DYNC1I1: variants seen among roughly 807,000 people sequenced by gnomAD.
DYNC1I1 encodes cytoplasmic dynein 1 intermediate chain 1.
A neutral mutation model predicts 86.6 loss-of-function variants in DYNC1I1; 43 were observed. That is an observed-to-expected ratio of 0.50 (90% CI 0.39 to 0.64). DYNC1I1 has a LOEUF of 0.64. Ranked by LOEUF, DYNC1I1 falls within the 30% of genes least tolerant of loss-of-function variation. The probability of loss-of-function intolerance (pLI) is 0.00; values close to 1 mark genes in which losing one functional copy is unlikely to be tolerated. For missense variants in DYNC1I1, 604 were observed against 788.8 expected, an observed-to-expected ratio of 0.77 and a Z score of 2.81; for synonymous variants, 262 against 283.7, an observed-to-expected ratio of 0.92 and a Z score of 0.77.
At chr7:95,953,565 G>T (rs1324643461) in intron 6 of DYNC1I1, among the ~76,000 whole-genome samples, 1 of 152,138 alleles carries the variant, frequency 6.6e-6, no homozygotes. Flanking sequence ...ATCATACTGC[G>T]CTTGTAGTAA....
At chr7:95,895,257 T>A (rs181401265) in intron 6 of DYNC1I1, among the ~76,000 whole-genome samples, 20 of 152,332 alleles carry the variant, frequency 1.3e-4, no homozygotes, top group African/African-American at 4.8e-4. Context: ...TCATTGTTGT[T>A]GAGTACAATA....
intron 10 of DYNC1I1, among the ~76,000 whole-genome samples, chr7:96,021,317 G>T (rs2115913752): frequency 6.6e-6 from 1 of 152,204 alleles, no homozygotes; most frequent in Non-Finnish European, 1.5e-5. Context: ...CTCTGGGTCT[G>T]CCAATCCTCC....
chr7:96,041,904 A>G (rs1789063365), intron 14 of DYNC1I1, among the ~76,000 whole-genome samples: 2 of 152,154 alleles, frequency 1.3e-5, no homozygotes, highest in African/African-American at 2.4e-5. Context: ...TTACATAGTT[A>G]TAAAAGAAAA....
At chr7:95,973,145 C>T (rs1415980201) in intron 6 of DYNC1I1, among the ~76,000 whole-genome samples, 1 of 152,190 alleles carries the variant, frequency 6.6e-6, no homozygotes, top group Non-Finnish European at 1.5e-5. Flanking sequence ...TAGTCTGTAG[C>T]AGGTCTACAT....
chr7:96,107,906 T>G lies in DYNC1I1; in HGVS notation c.1543-2073T>G, dbSNP rs554678830. Among the ~76,000 whole-genome samples, 165 of 147,766 alleles carry G rather than the reference T, an allele frequency of 1.1e-3. 2 individuals are homozygous for G. The highest frequency in any genetic ancestry group is 3.9e-3 in the African/African-American group (155 of 40,124). Reference sequence around the variant, plus strand: ...TTTTTTTTTTGGAGTACTTTGAATATCTCATCCCATTGCCTTCCGGCCTCA... The same window carrying G: ...TTTTTTTTTTGGAGTACTTTGAATAGCTCATCCCATTGCCTTCCGGCCTCA... On this transcript the variant is annotated intron_variant, in intron 16 of 16. Coordinates refer to the DYNC1I1 transcript ENST00000537881.
At chr7:95,833,486 G>GT (rs1416012256) in intron 5 of DYNC1I1, among the ~76,000 whole-genome samples, 1 of 141,084 alleles carries the variant, frequency 7.1e-6, no homozygotes, top group Non-Finnish European at 1.5e-5. Context: ...CTTTAAAGTA[G>GT]TTTTTTCCAA....
intron 14 of DYNC1I1, among the ~76,000 whole-genome samples, chr7:96,045,544 A>T (rs994573383): frequency 6.6e-6 from 1 of 152,218 alleles, no homozygotes; most frequent in Non-Finnish European, 1.5e-5. Context: ...AGGACTTTTT[A>T]CTGGAGGCCT....
chr7:96,057,922 C>T (rs988581929), intron 14 of DYNC1I1, among the ~76,000 whole-genome samples: 1 of 152,072 alleles, frequency 6.6e-6, no homozygotes, highest in African/African-American at 2.4e-5. Flanking sequence ...ATTTGGACAC[C>T]CTAGTGACTG....
In DYNC1I1 at chr7:95,998,260, A is replaced by G. The variant is rs74501496; in HGVS notation, c.969+2187A>G. On this transcript the variant is annotated intron_variant, in intron 10 of 16. Transcript: ENST00000447467. ...GGAACTGAGGCTTATTCTATCGCAT[A>G]CATCGTGCCATCACCTAGGCTGCAT... Among the ~76,000 whole-genome samples the G allele has an allele frequency of 2.5e-3, 380 of 152,374 alleles. 1 individual carries two copies. Among genetic ancestry groups the G allele is most frequent in the African/African-American group, 8.8e-3 (367 of 41,594 alleles).
At chr7:96,043,866 C>T (rs890470885) in intron 14 of DYNC1I1, among the ~76,000 whole-genome samples, 4 of 152,012 alleles carry the variant, frequency 2.6e-5, no homozygotes, top group African/African-American at 7.3e-5. Context: ...CCCGCCACTA[C>T]AACTGGCTAA....
At chr7:95,874,402 T>G (rs1790249973) in intron 6 of DYNC1I1, among the ~76,000 whole-genome samples, 1 of 152,062 alleles carries the variant, frequency 6.6e-6, no homozygotes, top group Non-Finnish European at 1.5e-5. Context: ...AAAAAAAGGT[T>G]TGTTGAGAAG....
chr7:96,065,378 CTT>C (rs34423655), intron 14 of DYNC1I1, among the ~76,000 whole-genome samples: 35 of 127,532 alleles, frequency 2.7e-4, no homozygotes, highest in Non-Finnish European at 2.6e-4. Flanking sequence ...TTCTTTCTTT[CTT>C]TTTTTTTTTT....
At chr7:95,828,487 C>T (rs1381031490) in intron 5 of DYNC1I1, among the ~76,000 whole-genome samples, 1 of 152,076 alleles carries the variant, frequency 6.6e-6, no homozygotes, top group Non-Finnish European at 1.5e-5. Context: ...CTTAAGTTAA[C>T]TTTGGTCTAA....
At chr7:95,785,149 G>A (rs75020997) in intron 1 of DYNC1I1, among the ~76,000 whole-genome samples, 1 of 152,290 alleles carries the variant, frequency 6.6e-6, no homozygotes, top group East Asian at 1.9e-4. Context: ...GAGGTCTGGA[G>A]CAGTGGCTCA....
intron 16 of DYNC1I1, among the ~76,000 whole-genome samples, chr7:96,091,063 C>T (rs918370635): frequency 6.6e-6 from 1 of 152,022 alleles, no homozygotes; most frequent in South Asian, 2.1e-4. Context: ...AGGGAATTGT[C>T]CTAAAAAATA....
chr7:96,019,937 A>G (rs1410739090), intron 10 of DYNC1I1, among the ~76,000 whole-genome samples: 1 of 152,142 alleles, frequency 6.6e-6, no homozygotes, highest in African/African-American at 2.4e-5. Flanking sequence ...TCTTTAAACT[A>G]CATTACCTAA....
At chr7:95,849,466 A>C (rs1789520543) in intron 5 of DYNC1I1, among the ~76,000 whole-genome samples, 1 of 152,156 alleles carries the variant, frequency 6.6e-6, no homozygotes, top group African/African-American at 2.4e-5. Context: ...CATTTGTTGC[A>C]AAGACTGTTC....
At chr7:95,826,098 G>T (rs1795197086) in intron 4 of DYNC1I1, among the ~76,000 whole-genome samples, 1 of 152,184 alleles carries the variant, frequency 6.6e-6, no homozygotes, top group African/African-American at 2.4e-5. Context: ...GAAATGCAGA[G>T]TCTCGGGCCA....
chr7:96,039,992 G>T (rs1170427125), intron 14 of DYNC1I1, among the ~76,000 whole-genome samples: 1 of 152,132 alleles, frequency 6.6e-6, no homozygotes, highest in Non-Finnish European at 1.5e-5. Context: ...CCAGCACTTT[G>T]GGAGGCCGAG....
Sources: allele counts gnomAD v4.1 joint callset (sites outside exome capture counted in the v4.1 genomes callset), GRCh38; gene constraint gnomAD v4.1.1; transcripts MANE v1.5; gene names NCBI Gene and HGNC (gene_info 2026-07-23, HGNC 2026-07-21).